The following PRKAR1A variants were observed in gnomAD, a reference collection of about 807,000 sequenced individuals.
The protein encoded by PRKAR1A is protein kinase cAMP-dependent type I regulatory subunit alpha, also known as cAMP-dependent protein kinase type I-alpha regulatory subunit.
PRKAR1A carries 3 observed loss-of-function variants against 52.0 expected under a neutral mutation model. That is an observed-to-expected ratio of 0.06 (90% CI 0.03 to 0.15). PRKAR1A has a LOEUF of 0.15. Ranked by LOEUF, PRKAR1A falls within the 10% of genes least tolerant of loss-of-function variation. PRKAR1A has a pLI of 1.00. For synonymous variants in PRKAR1A, 188 were observed against 168.4 expected, an observed-to-expected ratio of 1.12 and a Z score of -0.90; for missense variants, 240 against 477.4, an observed-to-expected ratio of 0.50 and a Z score of 4.63.
the PRKAR1A span, among the ~76,000 whole-genome samples, chr17:68,419,286 T>C: frequency 6.5e-3 from 986 of 152,264 alleles, 12 homozygotes; most frequent in African/African-American, 0.023. Context: ...TCCTGGCTGG[T>C]GTGGTGGCTC....
At chr17:68,521,023 C>T (rs2085588294) in intron 2 of PRKAR1A, among the ~76,000 whole-genome samples, 1 of 152,072 alleles carries the variant, frequency 6.6e-6, no homozygotes, top group Admixed American at 6.5e-5. Context: ...CTCACTGCAA[C>T]CTCTGCCTCC....
At chr17:68,420,707 G>A in the PRKAR1A span, 1 of 522,092 alleles carries the variant, frequency 1.9e-6, no homozygotes, top group African/African-American at 1.9e-5. Context: ...TTTGGAGTCA[G>A]GCACAGGTGC....
At chr17:68,420,504 T>G in the PRKAR1A span, 1 of 1,587,920 alleles carries the variant, frequency 6.3e-7, no homozygotes, top group African/African-American at 1.4e-5. Context: ...ACCTGGAAAT[T>G]AGGCAAGTTT....
the PRKAR1A span, among the ~76,000 whole-genome samples, chr17:68,419,366 C>T: frequency 6.6e-6 from 1 of 152,042 alleles, no homozygotes; most frequent in African/African-American, 2.4e-5. Flanking sequence ...CGAGACCAGC[C>T]TGGCCAACAG....
the PRKAR1A span, chr17:68,433,435 T>A: frequency 6.3e-7 from 1 of 1,589,914 alleles, no homozygotes; most frequent in South Asian, 1.1e-5. Flanking sequence ...TCCTTTCGTT[T>A]AATGAGCATT....
the PRKAR1A span, chr17:68,457,559 GC>G: frequency 4.4e-5 from 7 of 158,272 alleles, 1 homozygote; most frequent in Non-Finnish European, 6.1e-5. Context: ...CCCCTACCCC[GC>G]CCCGTCCCCA....
chr17:68,518,930 A>G (rs2085516902), intron 2 of PRKAR1A, among the ~76,000 whole-genome samples: 1 of 152,212 alleles, frequency 6.6e-6, no homozygotes, highest in Non-Finnish European at 1.5e-5. Flanking sequence ...GGCAGGGCCA[A>G]AATACTGCCA....
At chr17:68,446,830 A>G in the PRKAR1A span, among the ~76,000 whole-genome samples, 1 of 152,140 alleles carries the variant, frequency 6.6e-6, no homozygotes, top group Admixed American at 6.6e-5. Flanking sequence ...CTCTGATGGC[A>G]CCATCTGCTC....
At chr17:68,494,564 A>AATAAG in the PRKAR1A span, among the ~76,000 whole-genome samples, 4 of 152,030 alleles carry the variant, frequency 2.6e-5, no homozygotes, top group African/African-American at 9.7e-5. Context: ...AATAAAATAA[A>AATAAG]ATAGCAGGAG....
chr17:68,531,003 T>C lies in PRKAR1A; in HGVS notation c.*554T>C. ...GAAAAATGCCCATTTTTGCTAATTATCAATGGGATATGATTGGTTCAGTTT... is the reference window on the plus strand; with the variant it reads ...GAAAAATGCCCATTTTTGCTAATTACCAATGGGATATGATTGGTTCAGTTT... On this transcript the variant is annotated 3_prime_UTR_variant, in exon 11 of 11. Transcript: ENST00000589228. The C allele has an allele frequency of 9.3e-7, 1 of 1,077,622 alleles. No homozygotes were observed. The highest frequency in any genetic ancestry group is 1.1e-6 in the Non-Finnish European group (1 of 885,798). The allele number at this position is 1,077,622 out of a possible 1,614,324, so 66.8% of individuals were successfully genotyped here. A position where few individuals can be genotyped will look rare whatever the true frequency, so the allele number is the denominator to read the frequency against.
chr17:68,540,047 G>A (rs368303365), intron 11 of PRKAR1A: 10 of 1,225,814 alleles, frequency 8.2e-6, no homozygotes, highest in Non-Finnish European at 1.1e-5. Flanking sequence ...TCCAGGGAAC[G>A]GAGGCCTGTC....
the PRKAR1A span, among the ~76,000 whole-genome samples, chr17:68,445,989 G>C: frequency 0.31 from 47,376 of 151,966 alleles, 7,692 homozygotes; most frequent in Middle Eastern, 0.44. Context: ...AGAACCACTG[G>C]TCTCAGCCAG....
At chr17:68,504,607 T>C in the PRKAR1A span, among the ~76,000 whole-genome samples, 1 of 152,188 alleles carries the variant, frequency 6.6e-6, no homozygotes, top group African/African-American at 2.4e-5. Flanking sequence ...CTTCACATAT[T>C]CTCACTTATT....
chr17:68,481,840 A>T, the PRKAR1A span, among the ~76,000 whole-genome samples: 1 of 152,226 alleles, frequency 6.6e-6, no homozygotes, highest in African/African-American at 2.4e-5. Flanking sequence ...GTTGACAAGG[A>T]ACACTTCTCG....
At chr17:68,433,612 G>C in the PRKAR1A span, 1 of 1,553,886 alleles carries the variant, frequency 6.4e-7, no homozygotes, top group East Asian at 2.2e-5. Context: ...GTGAGCAAGA[G>C]AAATGGGAGT....
At chr17:68,446,748 G>A in the PRKAR1A span, among the ~76,000 whole-genome samples, 1 of 152,164 alleles carries the variant, frequency 6.6e-6, no homozygotes, top group Non-Finnish European at 1.5e-5. Flanking sequence ...GCGGGGCCTT[G>A]ACATATGCCT....
At chr17:68,427,800 C>T in the PRKAR1A span, among the ~76,000 whole-genome samples, 2 of 152,212 alleles carry the variant, frequency 1.3e-5, no homozygotes, top group South Asian at 2.1e-4. Context: ...GAGCAGCCAT[C>T]GGTGGGGGGC....
the PRKAR1A span, among the ~76,000 whole-genome samples, chr17:68,449,033 A>C: frequency 6.6e-6 from 1 of 152,216 alleles, no homozygotes; most frequent in African/African-American, 2.4e-5. Flanking sequence ...AATTCAAAGA[A>C]ACAATCCCTT....
chr17:68,502,252 C>T, the PRKAR1A span, among the ~76,000 whole-genome samples: 1 of 152,134 alleles, frequency 6.6e-6, no homozygotes, highest in East Asian at 1.9e-4. Flanking sequence ...ACAATTTAAA[C>T]TTCTAAGGCA....
Sources: allele counts gnomAD v4.1 joint callset (sites outside exome capture counted in the v4.1 genomes callset), GRCh38; gene constraint gnomAD v4.1.1; transcripts MANE v1.5; gene names NCBI Gene and HGNC (gene_info 2026-07-23, HGNC 2026-07-21).